Variants in COL4A1 observed in about 807,000 individuals in gnomAD.
The protein encoded by COL4A1 is collagen type IV alpha 1 chain, also known as collagen alpha-1(IV) chain.
COL4A1 carries 40 observed loss-of-function variants against 216.6 expected under a neutral mutation model. The ratio of observed to expected loss-of-function variants is 0.18; its 90% CI spans 0.14 to 0.24. COL4A1 has a LOEUF of 0.24. COL4A1 is among the 10% of genes least tolerant of loss of function. The pLI is 1.00. For synonymous variants in COL4A1, 839 were observed against 810.7 expected (o/e 1.03, Z -0.59); for missense variants, 1,628 against 2,196.8 (o/e 0.74, Z 5.18).
At chr13:110,177,377 C>A (rs372287118) in intron 33 of COL4A1, among the ~76,000 whole-genome samples, 113 of 152,254 alleles carry the variant, frequency 7.4e-4, no homozygotes, top group African/African-American at 2.7e-3. Context: ...AATAATAGAA[C>A]AGGAATTTTA....
intron 1 of COL4A1, among the ~76,000 whole-genome samples, chr13:110,301,796 G>T (rs1196026479): frequency 6.6e-6 from 1 of 152,154 alleles, no homozygotes; most frequent in Non-Finnish European, 1.5e-5. Context: ...AGTTACCAAA[G>T]CCGTATGTCG....
intron 1 of COL4A1, among the ~76,000 whole-genome samples, chr13:110,296,714 C>T (rs1183714703): frequency 4.6e-5 from 7 of 152,206 alleles, no homozygotes; most frequent in African/African-American, 7.2e-5. Context: ...CTCAGTCCCA[C>T]AAGATTGCCC....
At chr13:110,228,047 G>A (rs1031719250) in intron 2 of COL4A1, among the ~76,000 whole-genome samples, 9 of 152,182 alleles carry the variant, frequency 5.9e-5, no homozygotes, top group Admixed American at 1.3e-4. Context: ...AGAGGTGCCC[G>A]GTGACAGGTG....
intron 2 of COL4A1, among the ~76,000 whole-genome samples, chr13:110,238,460 A>G (rs1427912256): frequency 3.3e-5 from 5 of 152,246 alleles, no homozygotes; most frequent in Admixed American, 3.3e-4. Context: ...AACCTAGTCT[A>G]TATCTAAGCA....
At chr13:110,292,724 C>A (rs1354383509) in intron 1 of COL4A1, among the ~76,000 whole-genome samples, 2 of 152,094 alleles carry the variant, frequency 1.3e-5, no homozygotes, top group Non-Finnish European at 2.9e-5. Flanking sequence ...GGGAAACTGC[C>A]CCCATAATCT....
At chr13:110,279,503 C>T (rs539748702) in intron 1 of COL4A1, among the ~76,000 whole-genome samples, 2 of 152,256 alleles carry the variant, frequency 1.3e-5, no homozygotes, top group Non-Finnish European at 2.9e-5. Context: ...GCTCAGTTCC[C>T]CATATCCTGA....
At chr13:110,205,870 T>C (rs1566373497) in intron 15 of COL4A1, among the ~76,000 whole-genome samples, 1 of 151,710 alleles carries the variant, frequency 6.6e-6, no homozygotes, top group Non-Finnish European at 1.5e-5. Context: ...CTCAAATATA[T>C]ATATATGTAT....
chr13:110,289,350 A>G (rs868852698), intron 1 of COL4A1, among the ~76,000 whole-genome samples: 1 of 152,144 alleles, frequency 6.6e-6, no homozygotes, highest in Non-Finnish European at 1.5e-5. Context: ...GCAAAAGAAC[A>G]GCTTCCCTCT....
chr13:110,187,705 A>G (rs1020384552), intron 24 of COL4A1, among the ~76,000 whole-genome samples: 1 of 152,150 alleles, frequency 6.6e-6, no homozygotes, highest in African/African-American at 2.4e-5. Context: ...TGTGTGGTTC[A>G]TTGTGCAGCT....
At chr13:110,177,821 T>C (rs1401989198) in intron 33 of COL4A1, 21 bp downstream of exon 33, 1 of 1,612,650 alleles carries the variant, frequency 6.2e-7, no homozygotes, top group Non-Finnish European at 8.5e-7. Context: ...AATGAGCTTC[T>C]AGGGTTATCA....
rs574386379 is a variant in COL4A1, at chr13:110,282,261, T to C, written c.84+24683A>G. 2.8e-3 allele frequency among the ~76,000 whole-genome samples: 422 copies of C among 152,300 alleles called. 1 individual carries two copies. The highest frequency in any genetic ancestry group is 9.9e-3 in the African/African-American group (413 of 41,552). ...AAGTCCTTGACCTTTTGTTTTCTCA[T>C]CAATAAAATGGGAGTAAGACAACCC... On this transcript the variant is annotated intron_variant, in intron 1 of 51. Coordinates refer to ENST00000375820, the MANE Select transcript of COL4A1 (RefSeq NM_001845.6).
intron 2 of COL4A1, among the ~76,000 whole-genome samples, chr13:110,230,175 TGTGTGCCC>T: frequency 6.6e-6 from 1 of 151,968 alleles, no homozygotes. Flanking sequence ...TGTGTGTGAG[TGTGTGCCC>T]GTGGTGTGGG....
chr13:110,159,641 A>T (rs60970147), intron 49 of COL4A1, among the ~76,000 whole-genome samples: 15,475 of 152,220 alleles, frequency 0.1, 894 homozygotes, highest in Middle Eastern at 0.17. Context: ...TCAAAGAAAT[A>T]TTTTCACACC....
intron 1 of COL4A1, among the ~76,000 whole-genome samples, chr13:110,258,261 G>A (rs865778084): frequency 1.3e-5 from 2 of 152,218 alleles, no homozygotes; most frequent in Non-Finnish European, 1.5e-5. Context: ...AATTTAAGCC[G>A]GCGCAGTGGC....
chr13:110,279,057 A>G (rs1883527820), intron 1 of COL4A1, among the ~76,000 whole-genome samples: 1 of 152,080 alleles, frequency 6.6e-6, no homozygotes, highest in African/African-American at 2.4e-5. Context: ...GGGTCTTCCA[A>G]TTCCATATGA....
In COL4A1 at chr13:110,156,270, C is replaced by T. The variant is rs77862747; in HGVS notation, c.4641-873G>A. Among the ~76,000 whole-genome samples, 903 of 152,306 alleles carry T rather than the reference C, an allele frequency of 5.9e-3. 6 individuals carry two copies. Among genetic ancestry groups the T allele is most frequent in the African/African-American group, 0.02 (836 of 41,554 alleles). ...CGTATTTCCACAAGCACAATAAATG[C>T]TTCAGAAAAAATGCTGGTGAAATCC... On this transcript the variant is annotated intron_variant, in intron 49 of 51. Transcript: ENST00000375820.
intron 1 of COL4A1, among the ~76,000 whole-genome samples, chr13:110,257,275 C>G (rs187533005): frequency 6.6e-6 from 1 of 152,282 alleles, no homozygotes; most frequent in Non-Finnish European, 1.5e-5. Flanking sequence ...AGAGATCCTG[C>G]GGCAAACCTT....
intron 26 of COL4A1, among the ~76,000 whole-genome samples, chr13:110,183,498 C>T (rs1555303817): frequency 6.6e-6 from 1 of 152,134 alleles, no homozygotes; most frequent in Non-Finnish European, 1.5e-5. Flanking sequence ...TCCAAAATGA[C>T]CAAGATGTTT....
intron 21 of COL4A1, among the ~76,000 whole-genome samples, chr13:110,195,645 G>C (rs1878853005): frequency 6.6e-6 from 1 of 152,162 alleles, no homozygotes; most frequent in African/African-American, 2.4e-5. Flanking sequence ...CATCATTTAT[G>C]TAAAGAGGCA....
Sources: allele counts gnomAD v4.1 joint callset (sites outside exome capture counted in the v4.1 genomes callset), GRCh38; gene constraint gnomAD v4.1.1; transcripts MANE v1.5; gene names NCBI Gene and HGNC (gene_info 2026-07-23, HGNC 2026-07-21).